The following GRM7 variants were observed in gnomAD, a reference collection of about 807,000 sequenced individuals.
The protein encoded by GRM7 is glutamate metabotropic receptor 7, also known as metabotropic glutamate receptor 7.
A neutral mutation model predicts 84.5 loss-of-function variants in GRM7; 35 were observed. The ratio of observed to expected loss-of-function variants is 0.41; its 90% CI spans 0.32 to 0.55. The LOEUF is 0.55. Among genes scored for constraint, GRM7 ranks in the 20% least tolerant of loss-of-function variants. The pLI, the probability that GRM7 is intolerant of heterozygous loss-of-function variation, is 0.19. For synonymous variants in GRM7, 487 were observed against 455.1 expected, an observed-to-expected ratio of 1.07 and a Z score of -0.89; for missense variants, 1,003 against 1,194.6, an observed-to-expected ratio of 0.84 and a Z score of 2.36.
intron 8 of GRM7, among the ~76,000 whole-genome samples, chr3:7,619,492 C>A (rs539932068): frequency 5.9e-5 from 9 of 151,804 alleles, no homozygotes; most frequent in African/African-American, 2.2e-4. Context: ...ACATTCCGGG[C>A]CTATATACTA....
At chr3:7,517,869 G>A (rs1700450510) in intron 7 of GRM7, among the ~76,000 whole-genome samples, 1 of 152,188 alleles carries the variant, frequency 6.6e-6, no homozygotes, top group African/African-American at 2.4e-5. Context: ...GCTGACATGT[G>A]ACAGAGGTGG....
chr3:7,543,369 T>C (rs555658597), intron 7 of GRM7, among the ~76,000 whole-genome samples: 7 of 152,194 alleles, frequency 4.6e-5, no homozygotes, highest in Non-Finnish European at 1.0e-4. Flanking sequence ...AGGGGAATAT[T>C]TGGCAATGTA....
At chr3:6,947,856 T>A (rs1488373642) in intron 1 of GRM7, among the ~76,000 whole-genome samples, 1 of 152,332 alleles carries the variant, frequency 6.6e-6, no homozygotes, top group Non-Finnish European at 1.5e-5. Context: ...GTGTTTATAG[T>A]GTTCTCTGAT....
intron 4 of GRM7, among the ~76,000 whole-genome samples, chr3:7,387,282 C>T (rs972052298): frequency 2.0e-5 from 3 of 152,088 alleles, no homozygotes; most frequent in African/African-American, 7.2e-5. Flanking sequence ...GGCAGAAGCT[C>T]TTTAGTTTAA....
intron 2 of GRM7, among the ~76,000 whole-genome samples, chr3:7,201,171 A>G (rs1007835376): frequency 6.6e-6 from 1 of 151,726 alleles, no homozygotes; most frequent in Non-Finnish European, 1.5e-5. Flanking sequence ...GCGTTTCACC[A>G]TGTTAGCCAG....
chr3:7,386,205 T>C (rs920896979), intron 4 of GRM7, among the ~76,000 whole-genome samples: 1 of 152,248 alleles, frequency 6.6e-6, no homozygotes, highest in African/African-American at 2.4e-5. Context: ...TGGATGCTTT[T>C]AAAAACTTAT....
intron 2 of GRM7, among the ~76,000 whole-genome samples, chr3:7,235,771 T>C (rs1459721291): frequency 1.3e-5 from 2 of 152,232 alleles, no homozygotes; most frequent in Non-Finnish European, 2.9e-5. Flanking sequence ...AACATACATA[T>C]AATTTTTTCT....
chr3:7,071,676 T>A (rs2124984426), intron 1 of GRM7, among the ~76,000 whole-genome samples: 1 of 152,288 alleles, frequency 6.6e-6, no homozygotes, highest in Middle Eastern at 3.4e-3. Flanking sequence ...TAAATTATTT[T>A]CACTAAGTAT....
chr3:7,328,504 T>C (rs9872659), intron 4 of GRM7, among the ~76,000 whole-genome samples: 12,183 of 152,218 alleles, frequency 0.08, 1,348 homozygotes, highest in African/African-American at 0.25. Flanking sequence ...TGACCCCTTC[T>C]CTATACCTTA....
chr3:7,276,498 C>G (rs910175551), intron 2 of GRM7, among the ~76,000 whole-genome samples: 2 of 151,848 alleles, frequency 1.3e-5, no homozygotes, highest in South Asian at 4.2e-4. Flanking sequence ...CTTCAGTTTA[C>G]TTTCATTTCT....
intron 1 of GRM7, among the ~76,000 whole-genome samples, chr3:6,913,050 G>A (rs2125019930): frequency 6.6e-6 from 1 of 152,188 alleles, no homozygotes; most frequent in East Asian, 1.9e-4. Context: ...GGATTCTTCT[G>A]GTAAAAATTC....
chr3:7,526,251 G>T (rs58370864), intron 7 of GRM7, among the ~76,000 whole-genome samples: 15,122 of 152,130 alleles, frequency 0.099, 1,087 homozygotes, highest in African/African-American at 0.2. Context: ...GCATGAGAAG[G>T]TATCACATAG....
At chr3:6,903,037 A>T (rs1256815377) in intron 1 of GRM7, among the ~76,000 whole-genome samples, 1 of 152,126 alleles carries the variant, frequency 6.6e-6, no homozygotes, top group Non-Finnish European at 1.5e-5. Context: ...CTTTCTTTGC[A>T]TGGGTGACAT....
chr3:7,024,938 A>T (rs908410633), intron 1 of GRM7, among the ~76,000 whole-genome samples: 4 of 152,238 alleles, frequency 2.6e-5, no homozygotes, highest in African/African-American at 9.6e-5. Flanking sequence ...GGAGGTTAGA[A>T]GTTGAAATGG....
chr3:7,417,507 G>C lies in GRM7; in HGVS notation c.1174+2344G>C, dbSNP rs564748695. Among the ~76,000 whole-genome samples, 8 of 152,210 alleles carry C rather than the reference G, an allele frequency of 5.3e-5. No individual in the cohort carries two copies. In the South Asian group the frequency reaches 1.5e-3, roughly 28 times the overall value. On this transcript the variant is annotated intron_variant, in intron 5 of 9. Coordinates refer to ENST00000357716, the MANE Select transcript of GRM7 (RefSeq NM_000844.4). ...TGGAAGTGAAGAATCAGTGGGAAAG[G>C]TAACCTGGTTGCATGCTTTGGTGAC...
intron 1 of GRM7, among the ~76,000 whole-genome samples, chr3:6,892,406 C>G (rs1441621822): frequency 6.6e-6 from 1 of 152,134 alleles, no homozygotes; most frequent in Non-Finnish European, 1.5e-5. Context: ...GCCCTAAGTT[C>G]TGGTTCTTTA....
chr3:7,440,566 T>G (rs1388170955), intron 5 of GRM7, among the ~76,000 whole-genome samples: 1 of 152,100 alleles, frequency 6.6e-6, no homozygotes. Flanking sequence ...ACAAATTGAG[T>G]GTCGTCGGGG....
chr3:7,690,084 A>G (rs1305965786), intron 9 of GRM7, among the ~76,000 whole-genome samples: 1 of 152,186 alleles, frequency 6.6e-6, no homozygotes, highest in Non-Finnish European at 1.5e-5. Flanking sequence ...AGGTAGGGGA[A>G]AGTATACACA....
chr3:7,550,257 C>T (rs1016277518), intron 7 of GRM7, among the ~76,000 whole-genome samples: 5 of 151,274 alleles, frequency 3.3e-5, no homozygotes, highest in Non-Finnish European at 5.9e-5. Flanking sequence ...CTCTCCTCCT[C>T]CTCCTCTCCC....
Sources: gnomAD v4.1 joint callset for allele counts (sites outside exome capture counted in the v4.1 genomes callset) on GRCh38, gnomAD v4.1.1 for gene constraint, MANE v1.5 for transcripts, NCBI Gene and HGNC (gene_info 2026-07-23, HGNC 2026-07-21) for gene names.